PCNX1: variants seen among roughly 807,000 people sequenced by gnomAD.
PCNX1 encodes pecanex 1.
A neutral mutation model predicts 242.2 loss-of-function variants in PCNX1; 78 were observed. The ratio of observed to expected loss-of-function variants is 0.32; its 90% confidence interval spans 0.27 to 0.39. PCNX1 has a LOEUF of 0.39. Ranked by LOEUF, PCNX1 falls within the 10% of genes least tolerant of loss-of-function variation. The pLI, the probability that PCNX1 is intolerant of heterozygous loss-of-function variation, is 1.00. For missense variants in PCNX1, 2,581 were observed against 2,856.5 expected (o/e 0.90, Z 2.20); for synonymous variants, 1,024 against 1,032.9 (o/e 0.99, Z 0.17).
At chr14:71,067,881 A>G (rs1303720389) in intron 26 of PCNX1, among the ~76,000 whole-genome samples, 3 of 152,058 alleles carry the variant, frequency 2.0e-5, no homozygotes, top group Non-Finnish European at 4.4e-5. Flanking sequence ...TAGTCATTAT[A>G]GTAGTCATTC....
At chr14:71,075,557 T>A (rs894371324) in intron 27 of PCNX1, among the ~76,000 whole-genome samples, 5 of 57,920 alleles carry the variant, frequency 8.6e-5, no homozygotes, top group African/African-American at 3.0e-4. Flanking sequence ...CACAGTAAAG[T>A]TTTTTTTACC....
intron 2 of PCNX1, among the ~76,000 whole-genome samples, chr14:70,958,852 T>G (rs1178987639): frequency 6.7e-6 from 1 of 148,514 alleles, no homozygotes; most frequent in Non-Finnish European, 1.5e-5. Flanking sequence ...CCCAAAAACC[T>G]ATGAGAGTTT....
intron 6 of PCNX1, among the ~76,000 whole-genome samples, chr14:70,980,964 T>C (rs2058822089): frequency 6.6e-6 from 1 of 152,116 alleles, no homozygotes; most frequent in Admixed American, 6.5e-5. Context: ...GTGGTGGTAG[T>C]GTAGAGAGAT....
In PCNX1 at chr14:71,018,989, A is replaced by C; in HGVS notation, c.2997-20A>C. The C allele has an allele frequency of 1.9e-6, 3 of 1,601,702 alleles. No homozygotes were observed. The highest frequency in any genetic ancestry group is 1.7e-5 in the Admixed American group (1 of 58,682). On this transcript the variant is annotated intron_variant, in intron 11 of 35. Transcript: ENST00000304743. ...TCTTATACTTAAGATATACTTACCCATAAGTTTTTCTGTCCGTAGAAATCG... is the reference window on the plus strand; with the variant it reads ...TCTTATACTTAAGATATACTTACCCCTAAGTTTTTCTGTCCGTAGAAATCG...
intron 1 of PCNX1, among the ~76,000 whole-genome samples, chr14:70,924,671 C>T (rs530473775): frequency 1.3e-5 from 2 of 152,264 alleles, no homozygotes; most frequent in African/African-American, 2.4e-5. Flanking sequence ...ACCACACCCT[C>T]CACTTCTCTG....
At chr14:71,006,092 C>T (rs1469929474) in intron 8 of PCNX1, among the ~76,000 whole-genome samples, 1 of 129,222 alleles carries the variant, frequency 7.7e-6, no homozygotes, top group South Asian at 2.6e-4. Context: ...CCAGCTAGTA[C>T]GTGTGTGTGT....
intron 6 of PCNX1, among the ~76,000 whole-genome samples, chr14:70,985,592 G>A (rs541525435): frequency 2.2e-4 from 34 of 152,120 alleles, no homozygotes; most frequent in South Asian, 6.2e-4. Flanking sequence ...GTTGAGATTT[G>A]TACGTTAGAA....
chr14:71,091,662 CTA>C (rs1415129755), intron 30 of PCNX1, among the ~76,000 whole-genome samples: 1 of 152,108 alleles, frequency 6.6e-6, no homozygotes, highest in East Asian at 1.9e-4. Flanking sequence ...ACACAGAAAT[CTA>C]TTATAAAAAG....
chr14:70,919,389 A>G (rs548582923), intron 1 of PCNX1, among the ~76,000 whole-genome samples: 42 of 152,240 alleles, frequency 2.8e-4, no homozygotes, highest in African/African-American at 9.9e-4. Context: ...AGCAACTGAC[A>G]AGCAGAAATG....
chr14:71,028,514 G>A (rs2060297628), intron 15 of PCNX1, among the ~76,000 whole-genome samples, 186 bp from the exon 16 acceptor site: 1 of 151,888 alleles, frequency 6.6e-6, no homozygotes, highest in African/African-American at 2.4e-5. Flanking sequence ...ACTCAGGATA[G>A]CAAATCTCTG....
intron 5 of PCNX1, among the ~76,000 whole-genome samples, chr14:70,975,948 T>A (rs969698477): frequency 6.6e-6 from 1 of 152,112 alleles, no homozygotes; most frequent in Non-Finnish European, 1.5e-5. Flanking sequence ...AAATGCAGTA[T>A]TTTGCTCTGT....
At chr14:70,974,759 C>G (rs1039457930) in intron 5 of PCNX1, among the ~76,000 whole-genome samples, 1 of 152,132 alleles carries the variant, frequency 6.6e-6, no homozygotes, top group African/African-American at 2.4e-5. Flanking sequence ...GTATGTCTTT[C>G]TTATTCTAAA....
chr14:71,029,977 A>G (rs933526689), intron 16 of PCNX1, among the ~76,000 whole-genome samples: 3 of 152,230 alleles, frequency 2.0e-5, no homozygotes, highest in Non-Finnish European at 4.4e-5. Flanking sequence ...CCTGCTGTGA[A>G]TATCATCTTG....
rs143370757 is a variant in PCNX1, at chr14:70,949,254, C to CACACACACGTGTATGCACACACGTGTAT, written c.362+2144_362+2171dup. On this transcript the variant is annotated intron_variant, in intron 2 of 35. Transcript: ENST00000304743. Reference sequence around the variant, plus strand: ...GTATGTGTATATACACACGTGTATACACACACACGTGTATGCACACACGTG... The same window carrying CACACACACGTGTATGCACACACGTGTAT: ...GTATGTGTATATACACACGTGTATACACACACACGTGTATGCACACACGTGTATACACACACGTGTATGCACACACGTG... 6.3e-4 allele frequency among the ~76,000 whole-genome samples: 76 copies of CACACACACGTGTATGCACACACGTGTAT among 120,956 alleles called. No individual in the cohort carries two copies. The East Asian group carries it at 8.3e-3, about 13-fold the overall frequency. The allele number at this position is 120,956 out of a possible 152,430, so 79.4% of individuals were successfully genotyped here.
chr14:71,040,506 T>G (rs1036463515), intron 19 of PCNX1, among the ~76,000 whole-genome samples: 2 of 152,164 alleles, frequency 1.3e-5, no homozygotes, highest in Non-Finnish European at 2.9e-5. Context: ...TGGAAAATTT[T>G]GGCCATTATT....
At chr14:71,103,322 A>G in intron 31 of PCNX1, 73 bp from the exon 32 acceptor site, 1 of 1,491,156 alleles carries the variant, frequency 6.7e-7, no homozygotes, top group Non-Finnish European at 9.2e-7. Context: ...TATTCCTCCC[A>G]TTTCTGCTCT....
chr14:71,081,042 C>T (rs770288195), intron 28 of PCNX1, among the ~76,000 whole-genome samples: 1 of 152,120 alleles, frequency 6.6e-6, no homozygotes, highest in Non-Finnish European at 1.5e-5. Context: ...AGATAGGTTC[C>T]ATCAGTACCT....
chr14:70,978,317 C>T lies in PCNX1; in HGVS notation c.1980C>T (p.His660=). The change falls in exon 6 of 36, where the codon CAC becomes CAT. Residue 660 remains histidine, a synonymous_variant. Transcript: ENST00000304743. ...KERGTDSEHT[H]KAHLVPEGTS... ...GGGGCACAGACTCTGAACACACACACAAAGCTCATTTGGTTCCTGAAGGAA... is the reference window on the plus strand; with the variant it reads ...GGGGCACAGACTCTGAACACACACATAAAGCTCATTTGGTTCCTGAAGGAA... 3 of 1,614,124 alleles carry T rather than the reference C, an allele frequency of 1.9e-6. No homozygotes were observed. Among genetic ancestry groups the T allele is most frequent in the Non-Finnish European group, 2.5e-6 (3 of 1,180,010 alleles).
chr14:71,028,063 A>G (rs2060284832), intron 15 of PCNX1, among the ~76,000 whole-genome samples: 1 of 151,946 alleles, frequency 6.6e-6, no homozygotes, highest in South Asian at 2.1e-4. Flanking sequence ...TTTTAAAAAT[A>G]AAGTCTAGAT....
Sources: allele counts gnomAD v4.1 joint callset (sites outside exome capture counted in the v4.1 genomes callset), GRCh38; gene constraint gnomAD v4.1.1; transcripts MANE v1.5; gene names NCBI Gene and HGNC (gene_info 2026-07-23, HGNC 2026-07-21).